The following ZNF804B variants were observed in gnomAD, a reference collection of about 807,000 sequenced individuals.
ZNF804B encodes zinc finger protein 804B.
ZNF804B carries 80 observed loss-of-function variants against 101.4 expected under a neutral mutation model. The observed-to-expected ratio is 0.79, with a 90% confidence interval of 0.66 to 0.95. The LOEUF is 0.95. Among genes scored for constraint, ZNF804B ranks in the 40% least tolerant of loss-of-function variants. The pLI is 0.00. For synonymous variants in ZNF804B, 622 were observed against 558.8 expected, an observed-to-expected ratio of 1.11 and a Z score of -1.59; for missense variants, 1,673 against 1,561.9, an observed-to-expected ratio of 1.07 and a Z score of -1.20.
intron 1 of ZNF804B, among the ~76,000 whole-genome samples, chr7:89,077,835 T>C (rs1462574306): frequency 6.6e-6 from 1 of 152,128 alleles, no homozygotes; most frequent in Non-Finnish European, 1.5e-5. Flanking sequence ...TCAATATAAA[T>C]AAAAATACCT....
chr7:88,840,941 A>T (rs1304731982), intron 1 of ZNF804B, among the ~76,000 whole-genome samples: 1 of 152,152 alleles, frequency 6.6e-6, no homozygotes, highest in Non-Finnish European at 1.5e-5. Context: ...CTTAAAATAT[A>T]CTCATTGACT....
intron 1 of ZNF804B, among the ~76,000 whole-genome samples, chr7:88,987,996 T>G (rs1393493518): frequency 6.6e-6 from 1 of 151,892 alleles, no homozygotes; most frequent in Non-Finnish European, 1.5e-5. Flanking sequence ...CTTCTCAGCC[T>G]CTAATAACCA....
intron 1 of ZNF804B, among the ~76,000 whole-genome samples, chr7:89,068,945 C>T (rs188625014): frequency 6.6e-6 from 1 of 152,150 alleles, no homozygotes; most frequent in East Asian, 1.9e-4. Flanking sequence ...GGGGAAGGGG[C>T]CAGTGCCTCT....
chr7:89,301,165 AC>A (rs1447454295), intron 2 of ZNF804B, among the ~76,000 whole-genome samples: 1 of 147,170 alleles, frequency 6.8e-6, no homozygotes, highest in Non-Finnish European at 1.5e-5. Context: ...CAATGCATCA[AC>A]AAAAAATTCT....
chr7:88,770,169 C>G (rs1211232595), intron 1 of ZNF804B, among the ~76,000 whole-genome samples: 2 of 152,042 alleles, frequency 1.3e-5, no homozygotes, highest in Non-Finnish European at 2.9e-5. Flanking sequence ...TTAATGATAT[C>G]CCCAAAGATG....
rs371330255 is a variant in ZNF804B at position 89,113,892 on chromosome 7, T to G, written c.109-104263T>G. Reference sequence around the variant, plus strand: ...TGAACCAAGGAGGCAGAGGTTGTAGTCAGCCGAGATCGTGCCACTGCACTC... The same window carrying G: ...TGAACCAAGGAGGCAGAGGTTGTAGGCAGCCGAGATCGTGCCACTGCACTC... On this transcript the variant is annotated intron_variant, in intron 1 of 3. Coordinates refer to ENST00000333190, the MANE Select transcript of ZNF804B (RefSeq NM_181646.5). Among the ~76,000 whole-genome samples the G allele has an allele frequency of 3.4e-3, 508 of 151,492 alleles. 4 individuals are homozygous for G. The highest frequency in any genetic ancestry group is 0.012 in the African/African-American group (482 of 41,178).
intron 1 of ZNF804B, among the ~76,000 whole-genome samples, chr7:89,046,857 A>T (rs1789116896): frequency 6.6e-6 from 1 of 152,042 alleles, no homozygotes; most frequent in Non-Finnish European, 1.5e-5. Context: ...GAATATAATC[A>T]ATTATATCAC....
At chr7:88,894,017 A>G (rs1050786746) in intron 1 of ZNF804B, among the ~76,000 whole-genome samples, 22 of 152,020 alleles carry the variant, frequency 1.4e-4, no homozygotes, top group Non-Finnish European at 2.1e-4. Flanking sequence ...CCAAAATATT[A>G]AGATATATGT....
chr7:89,040,609 A>G (rs555307832), intron 1 of ZNF804B, among the ~76,000 whole-genome samples: 1 of 152,188 alleles, frequency 6.6e-6, no homozygotes, highest in East Asian at 1.9e-4. Context: ...CAGTTTGTAG[A>G]TCTTCATTTC....
chr7:88,801,041 G>T (rs942104733), intron 1 of ZNF804B, among the ~76,000 whole-genome samples: 2 of 151,984 alleles, frequency 1.3e-5, no homozygotes, highest in Non-Finnish European at 2.9e-5. Context: ...ATCTAGTGGA[G>T]AATTTTTTAT....
intron 1 of ZNF804B, among the ~76,000 whole-genome samples, chr7:89,146,543 C>G (rs1790792976): frequency 6.6e-6 from 1 of 152,002 alleles, no homozygotes; most frequent in African/African-American, 2.4e-5. Flanking sequence ...TTCCTAAAAT[C>G]TTTCAGATAA....
intron 1 of ZNF804B, among the ~76,000 whole-genome samples, chr7:88,806,790 G>A (rs182080417): frequency 6.6e-6 from 1 of 152,200 alleles, no homozygotes; most frequent in Admixed American, 6.5e-5. Context: ...GTCCAGGGAG[G>A]TGATATTTAA....
At chr7:89,279,964 A>C (rs943139150) in intron 2 of ZNF804B, among the ~76,000 whole-genome samples, 3 of 151,972 alleles carry the variant, frequency 2.0e-5, no homozygotes, top group East Asian at 3.9e-4. Context: ...CATTTTTTTC[A>C]ACACCACACC....
At chr7:89,038,573 C>G (rs1025702489) in intron 1 of ZNF804B, among the ~76,000 whole-genome samples, 1 of 152,026 alleles carries the variant, frequency 6.6e-6, no homozygotes, top group African/African-American at 2.4e-5. Flanking sequence ...AACTCCTTAT[C>G]AGATATATGG....
intron 1 of ZNF804B, among the ~76,000 whole-genome samples, chr7:89,028,116 AT>A (rs1200410089): frequency 1.3e-4 from 20 of 152,172 alleles, no homozygotes; most frequent in Admixed American, 8.5e-4. Context: ...GTGGTACATA[AT>A]TATAGAGTGG....
intron 1 of ZNF804B, among the ~76,000 whole-genome samples, chr7:89,142,011 G>A (rs1043963862): frequency 1.3e-5 from 2 of 151,692 alleles, no homozygotes; most frequent in African/African-American, 4.8e-5. Context: ...AGGGTCCTGA[G>A]AATGTAACCA....
In ZNF804B at chr7:89,047,593, G is replaced by A. The variant is rs558366623; in HGVS notation, c.109-170562G>A. On this transcript the variant is annotated intron_variant, in intron 1 of 3. Coordinates refer to ENST00000333190, the MANE Select transcript of ZNF804B (RefSeq NM_181646.5). ...AAGATAGTAATTTATGCTGAATGAG[G>A]TAGCCAAATATAAATGTTCAATAAG... Among the ~76,000 whole-genome samples, 4 of 152,252 alleles carry A rather than the reference G, an allele frequency of 2.6e-5. No individual in the cohort carries two copies. In the East Asian group the frequency reaches 7.7e-4, roughly 29 times the overall value.
chr7:89,279,135 T>A (rs1468960320), intron 2 of ZNF804B, among the ~76,000 whole-genome samples: 2 of 152,178 alleles, frequency 1.3e-5, no homozygotes, highest in African/African-American at 4.8e-5. Flanking sequence ...AGTTCACTCA[T>A]GATTTGGCTT....
At chr7:89,287,266 C>A (rs985787156) in intron 2 of ZNF804B, among the ~76,000 whole-genome samples, 3 of 152,010 alleles carry the variant, frequency 2.0e-5, no homozygotes, top group African/African-American at 7.2e-5. Flanking sequence ...GGGGTTGGTA[C>A]CCCTAACCCC....
Sources: gnomAD v4.1 joint callset for allele counts (sites outside exome capture counted in the v4.1 genomes callset) on GRCh38, gnomAD v4.1.1 for gene constraint, MANE v1.5 for transcripts, NCBI Gene and HGNC (gene_info 2026-07-23, HGNC 2026-07-21) for gene names.